The following SLC24A2 variants were observed in gnomAD, a reference collection of about 807,000 sequenced individuals.
The protein encoded by SLC24A2 is solute carrier family 24 member 2, also known as sodium/potassium/calcium exchanger 2.
A neutral mutation model predicts 62.0 loss-of-function variants in SLC24A2; 36 were observed. The observed-to-expected ratio is 0.58, with a 90% confidence interval of 0.44 to 0.77. SLC24A2 has a LOEUF of 0.77. Ranked by LOEUF, SLC24A2 falls within the 30% of genes least tolerant of loss-of-function variation. The probability of loss-of-function intolerance (pLI) is 0.00; values close to 1 mark genes in which losing one functional copy is unlikely to be tolerated. For missense variants in SLC24A2, 846 were observed against 817.9 expected (o/e 1.03, Z -0.42); for synonymous variants, 358 against 294.0 (o/e 1.22, Z -2.23).
the SLC24A2 span, among the ~76,000 whole-genome samples, chr9:19,809,174 C>T: frequency 6.6e-6 from 1 of 152,032 alleles, no homozygotes; most frequent in Non-Finnish European, 1.5e-5. Flanking sequence ...CAGGAGTCAT[C>T]TGGGTGATGG....
At chr9:19,528,597 T>A (rs148915435) in intron 8 of SLC24A2, among the ~76,000 whole-genome samples, 11 of 152,270 alleles carry the variant, frequency 7.2e-5, no homozygotes, top group Non-Finnish European at 1.6e-4. Flanking sequence ...TGGGATTAAT[T>A]CCATTGAATA....
chr9:20,289,887 G>A, the SLC24A2 span, among the ~76,000 whole-genome samples: 242 of 152,174 alleles, frequency 1.6e-3, 1 homozygote, highest in African/African-American at 5.6e-3. Context: ...TTTTTCCTAC[G>A]CTTCTATGAA....
At chr9:20,106,806 T>C in the SLC24A2 span, among the ~76,000 whole-genome samples, 1 of 152,118 alleles carries the variant, frequency 6.6e-6, no homozygotes, top group South Asian at 2.1e-4. Flanking sequence ...GGATGCCCTC[T>C]CTCACCACTC....
chr9:19,610,677 G>A (rs1837131315), intron 4 of SLC24A2, among the ~76,000 whole-genome samples: 1 of 152,006 alleles, frequency 6.6e-6, no homozygotes, highest in Non-Finnish European at 1.5e-5. Context: ...TGCTGTGCTG[G>A]TACTATACAA....
chr9:19,570,193 A>C (rs1446272661), intron 7 of SLC24A2, among the ~76,000 whole-genome samples: 5 of 152,240 alleles, frequency 3.3e-5, no homozygotes. Flanking sequence ...TACCTTTTCT[A>C]GTGGATATCT....
the SLC24A2 span, among the ~76,000 whole-genome samples, chr9:20,084,305 G>T: frequency 6.6e-6 from 1 of 152,142 alleles, no homozygotes; most frequent in African/African-American, 2.4e-5. Context: ...TAGTTGATTT[G>T]TCCTGGCTAG....
At chr9:20,168,695 G>T in the SLC24A2 span, among the ~76,000 whole-genome samples, 14 of 151,936 alleles carry the variant, frequency 9.2e-5, no homozygotes, top group Non-Finnish European at 1.5e-4. Context: ...AAGAAGAAAA[G>T]GTAAAATAAC....
chr9:19,594,315 C>A (rs10811215), intron 5 of SLC24A2, among the ~76,000 whole-genome samples: 1 of 152,010 alleles, frequency 6.6e-6, no homozygotes, highest in Non-Finnish European at 1.5e-5. Flanking sequence ...CCAAAGCACC[C>A]AGCAGAATAA....
chr9:19,667,889 A>C (rs1819302316), intron 2 of SLC24A2, among the ~76,000 whole-genome samples: 1 of 152,182 alleles, frequency 6.6e-6, no homozygotes, highest in African/African-American at 2.4e-5. Flanking sequence ...ACCCGCTGCT[A>C]GTTCTGATAG....
At chr9:20,041,161 C>T in the SLC24A2 span, among the ~76,000 whole-genome samples, 28 of 151,896 alleles carry the variant, frequency 1.8e-4, no homozygotes, top group East Asian at 3.9e-4. Flanking sequence ...CGCGTGCGCG[C>T]GTGCGCACGT....
chr9:19,734,560 G>C lies in SLC24A2; in HGVS notation c.930+51377C>G, dbSNP rs61882000. 2.0e-5 allele frequency among the ~76,000 whole-genome samples: 3 copies of C among 152,138 alleles called. No individual in the cohort carries two copies. The East Asian group carries it at 5.8e-4, about 29-fold the overall frequency. ...CTTTGTTTGTACCCTCTTTTACTTCGTTGAGCAGTGGTTTGTAGTTCTCCT... is the reference window on the plus strand; with the variant it reads ...CTTTGTTTGTACCCTCTTTTACTTCCTTGAGCAGTGGTTTGTAGTTCTCCT... On this transcript the variant is annotated intron_variant, in intron 2 of 10. Coordinates refer to ENST00000341998, the MANE Select transcript of SLC24A2 (RefSeq NM_020344.4).
chr9:20,281,379 T>G, the SLC24A2 span, among the ~76,000 whole-genome samples: 1 of 152,216 alleles, frequency 6.6e-6, no homozygotes, highest in Non-Finnish European at 1.5e-5. Context: ...AGGATAGAGC[T>G]TGATACATTT....
intron 9 of SLC24A2, among the ~76,000 whole-genome samples, chr9:19,521,874 C>T (rs867394430): frequency 0.057 from 7,485 of 130,792 alleles, 258 homozygotes; most frequent in Middle Eastern, 0.18. Flanking sequence ...CTTTTTTTTT[C>T]TTTTTTTTTT....
the SLC24A2 span, among the ~76,000 whole-genome samples, chr9:20,073,471 C>T: frequency 6.6e-6 from 1 of 152,108 alleles, no homozygotes; most frequent in African/African-American, 2.4e-5. Context: ...ATATCCCATT[C>T]TATTCATAGA....
At chr9:19,528,196 G>C (rs1174655500) in intron 8 of SLC24A2, 58 bp from the exon 9 acceptor site, 2 of 1,150,484 alleles carry the variant, frequency 1.7e-6, no homozygotes, top group Non-Finnish European at 2.6e-6. Flanking sequence ...GACTGATCTG[G>C]AAATCCAAAG....
chr9:20,274,940 G>A, the SLC24A2 span, among the ~76,000 whole-genome samples: 10 of 152,056 alleles, frequency 6.6e-5, no homozygotes, highest in East Asian at 1.9e-4. Flanking sequence ...CTTAGTGGCC[G>A]CCTTTTGTGA....
chr9:19,951,226 TTGTGTGTGTG>T, the SLC24A2 span, among the ~76,000 whole-genome samples: 1,350 of 146,066 alleles, frequency 9.2e-3, 20 homozygotes, highest in African/African-American at 0.033. Flanking sequence ...TTTTCTTAAG[TTGTGTGTGTG>T]TGTGTGTGTG....
At chr9:19,558,482 T>G in intron 7 of SLC24A2, among the ~76,000 whole-genome samples, 1 of 152,156 alleles carries the variant, frequency 6.6e-6, no homozygotes, top group East Asian at 1.9e-4. Context: ...GGGCTTGTGA[T>G]TTTATGTGCA....
At chr9:20,024,618 G>A in the SLC24A2 span, among the ~76,000 whole-genome samples, 53 of 152,168 alleles carry the variant, frequency 3.5e-4, no homozygotes, top group African/African-American at 1.2e-3. Context: ...TAGGTTCTCT[G>A]ATAAGAAAGA....
Sources: allele counts gnomAD v4.1 joint callset (sites outside exome capture counted in the v4.1 genomes callset), GRCh38; gene constraint gnomAD v4.1.1; transcripts MANE v1.5; gene names NCBI Gene and HGNC (gene_info 2026-07-23, HGNC 2026-07-21).